Variants in PARD3 observed in about 807,000 individuals in gnomAD.
PARD3 encodes par-3 family cell polarity regulator.
PARD3 carries 75 observed loss-of-function variants against 155.4 expected under a neutral mutation model. The ratio of observed to expected loss-of-function variants is 0.48; its 90% CI spans 0.40 to 0.58. PARD3 has a LOEUF of 0.58. Ranked by LOEUF, PARD3 falls within the 20% of genes least tolerant of loss-of-function variation. The pLI is 0.00. For synonymous variants in PARD3, 576 were observed against 610.5 expected, an observed-to-expected ratio of 0.94 and a Z score of 0.83; for missense variants, 1,642 against 1,721.7, an observed-to-expected ratio of 0.95 and a Z score of 0.82.
chr10:34,183,505 C>T (rs377166198), intron 22 of PARD3, among the ~76,000 whole-genome samples: 12 of 152,308 alleles, frequency 7.9e-5, no homozygotes, highest in East Asian at 3.9e-4. Flanking sequence ...CAAATGCAGG[C>T]GAGTAGAAAC....
intron 3 of PARD3, among the ~76,000 whole-genome samples, chr10:34,486,071 G>A (rs1288277019): frequency 2.6e-5 from 4 of 152,006 alleles, no homozygotes; most frequent in Non-Finnish European, 4.4e-5. Flanking sequence ...CTACAGGTGC[G>A]TGCCACGATG....
intron 2 of PARD3, among the ~76,000 whole-genome samples, chr10:34,674,487 T>TTTTTTTTTTTTTTTTTTTTG: frequency 6.8e-6 from 1 of 146,640 alleles, no homozygotes; most frequent in Non-Finnish European, 1.5e-5. Context: ...GATTTTTTTT[T>TTTTTTTTTTTTTTTTTTTTG]TTTTTTTTTT....
chr10:34,160,551 T>C (rs1161002748), intron 22 of PARD3, among the ~76,000 whole-genome samples: 1 of 152,266 alleles, frequency 6.6e-6, no homozygotes, highest in Non-Finnish European at 1.5e-5. Flanking sequence ...ACACAGTGAA[T>C]AATTGCTGTG....
rs536074295 is a variant in PARD3, at chr10:34,305,651, A to G, written c.3065+11456T>C. Among the ~76,000 whole-genome samples, 4 of 152,370 alleles carry G rather than the reference A, an allele frequency of 2.6e-5. No individual in the cohort carries two copies. In the South Asian group the frequency reaches 8.3e-4, roughly 32 times the overall value. ...ACATGGAATGTTTAATCTGGTAATC[A>G]TAATTATCTTTTCTGACAGTCTTAT... On this transcript the variant is annotated intron_variant, in intron 20 of 24. Transcript: ENST00000374788.
At chr10:34,142,478 T>C (rs1244846401) in intron 22 of PARD3, among the ~76,000 whole-genome samples, 3 of 151,198 alleles carry the variant, frequency 2.0e-5, no homozygotes, top group African/African-American at 7.3e-5. Flanking sequence ...GAGGCTGCAG[T>C]GAACCATGAT....
chr10:34,757,564 A>T (rs1836902185), intron 1 of PARD3, among the ~76,000 whole-genome samples: 2 of 152,144 alleles, frequency 1.3e-5, no homozygotes, highest in African/African-American at 4.8e-5. Context: ...CAAAAAAATT[A>T]GCCAGGCACG....
chr10:34,225,321 C>T (rs954825143), intron 22 of PARD3, among the ~76,000 whole-genome samples: 1 of 151,540 alleles, frequency 6.6e-6, no homozygotes, highest in African/African-American at 2.4e-5. Flanking sequence ...TGAAAGTTCA[C>T]CAGGCAGACT....
chr10:34,808,882 C>T (rs1370901418), intron 1 of PARD3, among the ~76,000 whole-genome samples: 2 of 152,192 alleles, frequency 1.3e-5, no homozygotes, highest in Admixed American at 1.3e-4. Context: ...AACATTCCTA[C>T]TTAGTCCTGG....
At chr10:34,433,818 C>T (rs2076061900) in intron 5 of PARD3, among the ~76,000 whole-genome samples, 1 of 152,050 alleles carries the variant, frequency 6.6e-6, no homozygotes, top group Non-Finnish European at 1.5e-5. Flanking sequence ...TTTATAATAA[C>T]AAATGTATTC....
chr10:34,656,728 A>C (rs7911185), intron 2 of PARD3, among the ~76,000 whole-genome samples: 10,487 of 152,218 alleles, frequency 0.069, 387 homozygotes, highest in Middle Eastern at 0.095. Flanking sequence ...AATTATGTAC[A>C]TGCTGGGAAC....
intron 22 of PARD3, among the ~76,000 whole-genome samples, chr10:34,204,831 A>G (rs1018957251): frequency 7.9e-5 from 12 of 152,222 alleles, no homozygotes; most frequent in African/African-American, 2.4e-4. Flanking sequence ...GTGACTTCAT[A>G]AGTAGAACAC....
chr10:34,417,571 T>C (rs1845790896), intron 5 of PARD3, among the ~76,000 whole-genome samples: 1 of 152,204 alleles, frequency 6.6e-6, no homozygotes, highest in Admixed American at 6.5e-5. Flanking sequence ...GGATTAATTA[T>C]TTTCAAAATA....
chr10:34,327,358 G>T (rs1835135631), intron 19 of PARD3, among the ~76,000 whole-genome samples: 1 of 152,184 alleles, frequency 6.6e-6, no homozygotes, highest in Non-Finnish European at 1.5e-5. Flanking sequence ...TCCACAGGAA[G>T]AATGTAAGTG....
chr10:34,574,995 C>T (rs2086771825), intron 2 of PARD3, among the ~76,000 whole-genome samples: 1 of 152,112 alleles, frequency 6.6e-6, no homozygotes, highest in Non-Finnish European at 1.5e-5. Context: ...CTCCCCTCCC[C>T]TGCTCCCCCC....
intron 1 of PARD3, among the ~76,000 whole-genome samples, chr10:34,809,606 G>A (rs1843833344): frequency 6.6e-6 from 1 of 152,196 alleles, no homozygotes; most frequent in African/African-American, 2.4e-5. Flanking sequence ...AAGTGTATGT[G>A]AGTCCCAGGG....
chr10:34,518,435 T>C (rs181049787), intron 2 of PARD3, among the ~76,000 whole-genome samples: 19 of 152,222 alleles, frequency 1.2e-4, no homozygotes, highest in African/African-American at 3.9e-4. Flanking sequence ...GGGAAACACA[T>C]GGTAAGCCTG....
chr10:34,257,794 G>C (rs972587484), intron 22 of PARD3, among the ~76,000 whole-genome samples: 7 of 152,128 alleles, frequency 4.6e-5, no homozygotes, highest in African/African-American at 1.7e-4. Flanking sequence ...TCAACAAAAA[G>C]AATTAAACAA....
intron 20 of PARD3, among the ~76,000 whole-genome samples, chr10:34,310,925 T>A (rs1830630765): frequency 1.3e-5 from 2 of 152,248 alleles, no homozygotes; most frequent in Admixed American, 6.5e-5. Context: ...AATCTCACTG[T>A]GTTTCATTTG....
At chr10:34,157,920 A>T (rs963689970) in intron 22 of PARD3, among the ~76,000 whole-genome samples, 20 of 152,248 alleles carry the variant, frequency 1.3e-4, no homozygotes, top group African/African-American at 4.8e-4. Flanking sequence ...CACAACCTAC[A>T]ATAAAAGCGC....
Sources: allele counts gnomAD v4.1 joint callset (sites outside exome capture counted in the v4.1 genomes callset), GRCh38; gene constraint gnomAD v4.1.1; transcripts MANE v1.5; gene names NCBI Gene and HGNC (gene_info 2026-07-23, HGNC 2026-07-21).